Variants in CPNE4 observed in about 807,000 individuals in gnomAD.
The protein encoded by CPNE4 is copine-4.
In CPNE4, 25 loss-of-function variants were observed where a neutral mutation model predicts 67.9. That is an observed-to-expected ratio of 0.37 (90% CI 0.27 to 0.51). The LOEUF (loss-of-function observed/expected upper bound fraction) is 0.51, where lower values mean the gene tolerates loss of function less well. CPNE4 is among the 20% of genes least tolerant of loss of function. The probability of loss-of-function intolerance (pLI) is 0.93; values close to 1 mark genes in which losing one functional copy is unlikely to be tolerated. For missense variants in CPNE4, 464 were observed against 690.8 expected (o/e 0.67, Z 3.68); for synonymous variants, 242 against 244.9 (o/e 0.99, Z 0.11).
chr3:131,792,722 T>TGAG (rs2083795851), intron 2 of CPNE4, among the ~76,000 whole-genome samples: 1 of 92,416 alleles, frequency 1.1e-5, no homozygotes, highest in Admixed American at 1.2e-4. Flanking sequence ...TATATATGTA[T>TGAG]ATATATACAC....
intron 2 of CPNE4, among the ~76,000 whole-genome samples, chr3:131,842,387 C>G (rs562082912): frequency 6.6e-6 from 1 of 152,132 alleles, no homozygotes; most frequent in East Asian, 1.9e-4. Context: ...ATATAGACAT[C>G]TACTTCAGAG....
chr3:131,550,137 G>A, intron 13 of CPNE4, 57 bp from the exon 14 acceptor site: 2 of 1,576,146 alleles, frequency 1.3e-6, no homozygotes, highest in Non-Finnish European at 1.7e-6. Context: ...TATATTTATA[G>A]CCAAACACAC....
intron 7 of CPNE4, among the ~76,000 whole-genome samples, chr3:131,658,220 G>T (rs1299292827): frequency 6.6e-6 from 1 of 152,134 alleles, no homozygotes; most frequent in East Asian, 1.9e-4. Context: ...CACTAAGTCT[G>T]AGTGATTGGA....
intron 7 of CPNE4, among the ~76,000 whole-genome samples, chr3:131,638,934 A>G (rs1263400943): frequency 6.6e-6 from 1 of 152,176 alleles, no homozygotes; most frequent in Non-Finnish European, 1.5e-5. Flanking sequence ...AATGAAATCA[A>G]TATGGAAATT....
intron 5 of CPNE4, among the ~76,000 whole-genome samples, chr3:131,686,945 T>C (rs1270758005): frequency 6.6e-6 from 1 of 152,228 alleles, no homozygotes; most frequent in Non-Finnish European, 1.5e-5. Flanking sequence ...CCAAAAGCTC[T>C]GCTCAGTTTC....
intron 2 of CPNE4, among the ~76,000 whole-genome samples, chr3:131,730,806 C>T (rs1307157196): frequency 6.6e-6 from 1 of 152,054 alleles, no homozygotes; most frequent in Non-Finnish European, 1.5e-5. Flanking sequence ...CCTAGTAACC[C>T]CAGAGAGAAC....
intron 2 of CPNE4, among the ~76,000 whole-genome samples, chr3:131,813,842 T>A (rs1310348253): frequency 6.6e-6 from 1 of 152,188 alleles, no homozygotes; most frequent in Admixed American, 6.5e-5. Context: ...CCAATATGCT[T>A]AATTATACCA....
intron 1 of CPNE4, among the ~76,000 whole-genome samples, chr3:131,925,849 T>C (rs2070879143): frequency 6.6e-6 from 1 of 152,182 alleles, no homozygotes; most frequent in Admixed American, 6.5e-5. Flanking sequence ...TTCTGACTTT[T>C]GGTGACTAGT....
chr3:131,890,508 G>A lies in CPNE4; in HGVS notation c.180+14756C>T, dbSNP rs184527241. On this transcript the variant is annotated intron_variant, in intron 2 of 15. Coordinates refer to ENST00000429747, the MANE Select transcript of CPNE4 (RefSeq NM_130808.3). ...TACACTGTTGGTGGGAATATAAAACGCTGCAGCCATTATGGAAAACAGTAT... is the reference window on the plus strand; with the variant it reads ...TACACTGTTGGTGGGAATATAAAACACTGCAGCCATTATGGAAAACAGTAT... Among the ~76,000 whole-genome samples the A allele has an allele frequency of 1.1e-3, 167 of 151,206 alleles. 1 individual carries two copies. Among genetic ancestry groups the A allele is most frequent in the African/African-American group, 3.8e-3 (158 of 41,284 alleles).
intron 7 of CPNE4, among the ~76,000 whole-genome samples, chr3:131,662,845 C>A (rs554637590): frequency 6.6e-6 from 1 of 152,164 alleles, no homozygotes; most frequent in Non-Finnish European, 1.5e-5. Context: ...GAAATAGGAA[C>A]ACTTTTACAC....
chr3:131,892,252 T>C (rs1034812665), intron 2 of CPNE4, among the ~76,000 whole-genome samples: 1 of 152,106 alleles, frequency 6.6e-6, no homozygotes, highest in Admixed American at 6.6e-5. Context: ...TTGCCACCAA[T>C]GTGGAAGCCA....
At chr3:131,681,129 C>T (rs10934972) in intron 6 of CPNE4, among the ~76,000 whole-genome samples, 21,949 of 152,134 alleles carry the variant, frequency 0.14, 3,139 homozygotes, top group East Asian at 0.63. Context: ...TATAAACATG[C>T]GACCAGTTTA....
rs543900308 is a variant in CPNE4, at chr3:131,583,996, C to T, written c.781-2331G>A. On this transcript the variant is annotated intron_variant, in intron 8 of 15. Coordinates refer to ENST00000429747, the MANE Select transcript of CPNE4 (RefSeq NM_130808.3). ...AAGGTCTTGGAGTAGCTCTCCTATT[C>T]TTGCAAGTATCCCCTTTGGCCACCC... is the stretch of plus-strand genomic sequence containing the variant. Among the ~76,000 whole-genome samples, 55 of 152,318 alleles carry T rather than the reference C, an allele frequency of 3.6e-4. 3 individuals are homozygous for T. The South Asian group carries it at 8.3e-3, about 23-fold the overall frequency.
chr3:131,999,633 T>C (rs542354148), intron 1 of CPNE4, among the ~76,000 whole-genome samples: 2 of 152,176 alleles, frequency 1.3e-5, no homozygotes, highest in Admixed American at 6.6e-5. Context: ...AAATATATGA[T>C]GGATTAATAG....
intron 2 of CPNE4, among the ~76,000 whole-genome samples, chr3:131,788,574 T>C (rs2083626935): frequency 6.6e-6 from 1 of 152,148 alleles, no homozygotes; most frequent in African/African-American, 2.4e-5. Context: ...TATACAACTT[T>C]TCTTGAGGAC....
At chr3:131,737,217 G>A (rs1347662738) in intron 2 of CPNE4, among the ~76,000 whole-genome samples, 2 of 139,848 alleles carry the variant, frequency 1.4e-5, no homozygotes, top group African/African-American at 2.7e-5. Flanking sequence ...TCCGCCTCCC[G>A]AGTTCAAGCA....
chr3:131,641,275 G>C (rs753417771), intron 7 of CPNE4, among the ~76,000 whole-genome samples: 1 of 151,738 alleles, frequency 6.6e-6, no homozygotes, highest in Non-Finnish European at 1.5e-5. Context: ...ATCTGACAAA[G>C]GACTAATATC....
intron 7 of CPNE4, among the ~76,000 whole-genome samples, chr3:131,626,508 CT>C (rs1371071418): frequency 6.6e-6 from 1 of 152,186 alleles, no homozygotes; most frequent in Non-Finnish European, 1.5e-5. Context: ...GTCCTTAATT[CT>C]CTTCATTTCT....
chr3:131,661,455 C>G (rs929716388), intron 7 of CPNE4, among the ~76,000 whole-genome samples: 1 of 152,274 alleles, frequency 6.6e-6, no homozygotes, highest in African/African-American at 2.4e-5. Flanking sequence ...TGATTTAACA[C>G]TATTTGAGCT....
Sources: allele counts gnomAD v4.1 joint callset (sites outside exome capture counted in the v4.1 genomes callset), GRCh38; gene constraint gnomAD v4.1.1; transcripts MANE v1.5; gene names NCBI Gene and HGNC (gene_info 2026-07-23, HGNC 2026-07-21).